Variants in GALNTL6 observed in about 807,000 individuals in gnomAD.
GALNTL6 encodes the protein polypeptide N-acetylgalactosaminyltransferase-like 6.
A neutral mutation model predicts 73.7 loss-of-function variants in GALNTL6; 46 were observed. The ratio of observed to expected loss-of-function variants is 0.62; its 90% CI spans 0.49 to 0.80. The LOEUF (loss-of-function observed/expected upper bound fraction) is 0.80, where lower values mean the gene tolerates loss of function less well. Among genes scored for constraint, GALNTL6 ranks in the 30% least tolerant of loss-of-function variants. The pLI is 0.00. For synonymous variants in GALNTL6, 259 were observed against 263.7 expected (o/e 0.98, Z 0.17); for missense variants, 604 against 755.0 (o/e 0.80, Z 2.34).
intron 3 of GALNTL6, among the ~76,000 whole-genome samples, chr4:172,235,311 G>T (rs749012079): frequency 1.3e-5 from 2 of 151,904 alleles, no homozygotes; most frequent in African/African-American, 4.8e-5. Flanking sequence ...GGGTTCAGGC[G>T]ATTCTCCTGC....
chr4:172,491,765 T>G (rs1405005546), intron 5 of GALNTL6, among the ~76,000 whole-genome samples: 1 of 152,182 alleles, frequency 6.6e-6, no homozygotes, highest in Non-Finnish European at 1.5e-5. Context: ...TTATTTCAAC[T>G]ATCTTCAGAT....
At chr4:172,021,176 A>G (rs1356305874) in intron 2 of GALNTL6, among the ~76,000 whole-genome samples, 1 of 152,074 alleles carries the variant, frequency 6.6e-6, no homozygotes, top group Non-Finnish European at 1.5e-5. Context: ...AGCTAGTGTC[A>G]TATCGAATGG....
chr4:172,348,361 G>A (rs555109791), intron 4 of GALNTL6, among the ~76,000 whole-genome samples, 162 bp from the exon 5 acceptor site: 11 of 152,326 alleles, frequency 7.2e-5, no homozygotes, highest in Admixed American at 2.0e-4. Flanking sequence ...AATGCATTCC[G>A]TGAAGGAGCA....
chr4:171,936,012 A>ATATC (rs1303849955), intron 2 of GALNTL6, among the ~76,000 whole-genome samples: 3 of 152,192 alleles, frequency 2.0e-5, no homozygotes, highest in Admixed American at 6.5e-5. Context: ...TCCTCAGAAA[A>ATATC]TATCTATCTG....
intron 8 of GALNTL6, among the ~76,000 whole-genome samples, chr4:172,920,273 G>A (rs954119432): frequency 2.0e-4 from 31 of 152,096 alleles, no homozygotes; most frequent in African/African-American, 5.8e-4. Context: ...TTTTTTTCTC[G>A]CTATCTCAGA....
At chr4:172,583,729 A>G (rs1330171520) in intron 5 of GALNTL6, among the ~76,000 whole-genome samples, 1 of 151,556 alleles carries the variant, frequency 6.6e-6, no homozygotes, top group Non-Finnish European at 1.5e-5. Flanking sequence ...GTGAAACCCC[A>G]TCTCTACTAA....
At chr4:172,168,818 T>G (rs942935865) in intron 2 of GALNTL6, among the ~76,000 whole-genome samples, 1 of 152,230 alleles carries the variant, frequency 6.6e-6, no homozygotes, top group African/African-American at 2.4e-5. Context: ...TAAACCTAGT[T>G]ATGCCTACAA....
intron 7 of GALNTL6, among the ~76,000 whole-genome samples, chr4:172,872,337 C>A (rs1182230708): frequency 1.3e-5 from 2 of 152,166 alleles, no homozygotes; most frequent in African/African-American, 4.8e-5. Flanking sequence ...TCCTATACTT[C>A]TGATTTTGAT....
At chr4:172,095,836 A>G (rs1306005190) in intron 2 of GALNTL6, among the ~76,000 whole-genome samples, 2 of 152,070 alleles carry the variant, frequency 1.3e-5, no homozygotes, top group African/African-American at 2.4e-5. Flanking sequence ...TTCCCCACCT[A>G]GAATTATTTT....
chr4:172,683,713 C>T (rs6839897), intron 5 of GALNTL6, among the ~76,000 whole-genome samples: 1 of 152,142 alleles, frequency 6.6e-6, no homozygotes, highest in African/African-American at 2.4e-5. Context: ...ATCTAGTTAA[C>T]TTCTAGCTAG....
At chr4:172,189,375 A>G (rs919962244) in intron 2 of GALNTL6, among the ~76,000 whole-genome samples, 4 of 152,194 alleles carry the variant, frequency 2.6e-5, no homozygotes, top group East Asian at 3.9e-4. Flanking sequence ...CTGTGAATCT[A>G]TAAGGCCAAT....
chr4:172,418,941 A>G (rs1730947920), intron 5 of GALNTL6, among the ~76,000 whole-genome samples: 1 of 50,608 alleles, frequency 2.0e-5, no homozygotes, highest in African/African-American at 4.2e-5. Context: ...GTAGTTTTCT[A>G]CGAGATTTAT....
At chr4:172,720,363 C>G (rs1735392844) in intron 5 of GALNTL6, among the ~76,000 whole-genome samples, 1 of 152,168 alleles carries the variant, frequency 6.6e-6, no homozygotes, top group South Asian at 2.1e-4. Context: ...GCCCGCCATT[C>G]AAATCCCACG....
intron 5 of GALNTL6, among the ~76,000 whole-genome samples, chr4:172,560,018 C>T (rs1072806): frequency 0.047 from 7,092 of 152,102 alleles, 510 homozygotes; most frequent in African/African-American, 0.16. Context: ...TGTTCCAATT[C>T]GTAATTAATG....
At chr4:172,566,614 T>A (rs1736563690) in intron 5 of GALNTL6, among the ~76,000 whole-genome samples, 1 of 151,398 alleles carries the variant, frequency 6.6e-6, no homozygotes. Context: ...TAACTTTAAG[T>A]ATCAAGGACC....
chr4:171,904,858 G>T (rs1375805608), intron 2 of GALNTL6, among the ~76,000 whole-genome samples: 1 of 152,108 alleles, frequency 6.6e-6, no homozygotes, highest in Non-Finnish European at 1.5e-5. Context: ...TTAAATAAAA[G>T]AATTTTCAAC....
chr4:172,733,061 GC>G (rs936139129), intron 5 of GALNTL6, among the ~76,000 whole-genome samples: 1 of 152,194 alleles, frequency 6.6e-6, no homozygotes, highest in Non-Finnish European at 1.5e-5. Context: ...GCACCTTAGT[GC>G]TTTTGTTTTT....
At chr4:172,170,244 G>A (rs946598872) in intron 2 of GALNTL6, among the ~76,000 whole-genome samples, 1 of 152,174 alleles carries the variant, frequency 6.6e-6, no homozygotes, top group Admixed American at 6.5e-5. Context: ...TCAGATGGAG[G>A]TAACTGGATC....
At chr4:172,763,355 T>C (rs961957644) in intron 5 of GALNTL6, among the ~76,000 whole-genome samples, 3 of 152,238 alleles carry the variant, frequency 2.0e-5, no homozygotes, top group Non-Finnish European at 4.4e-5. Context: ...CAGTCTTAGA[T>C]TTATTTTCTC....
Sources: allele counts gnomAD v4.1 joint callset (sites outside exome capture counted in the v4.1 genomes callset), GRCh38; gene constraint gnomAD v4.1.1; transcripts MANE v1.5; gene names NCBI Gene and HGNC (gene_info 2026-07-23, HGNC 2026-07-21).